Variants in ANGPT4 observed in about 807,000 individuals in gnomAD.
ANGPT4 encodes angiopoietin 4, also known as angiopoietin-4.
A neutral mutation model predicts 53.0 loss-of-function variants in ANGPT4; 50 were observed. The ratio of observed to expected loss-of-function variants is 0.94; its 90% CI spans 0.75 to 1.20. The LOEUF (loss-of-function observed/expected upper bound fraction) is 1.20, where lower values mean the gene tolerates loss of function less well. ANGPT4 is among the 50% of genes most tolerant of loss of function. ANGPT4 has a pLI of 0.00. For synonymous variants in ANGPT4, 251 were observed against 259.7 expected, an observed-to-expected ratio of 0.97 and a Z score of 0.32; for missense variants, 648 against 637.1, an observed-to-expected ratio of 1.02 and a Z score of -0.18.
intron 1 of ANGPT4, among the ~76,000 whole-genome samples, chr20:899,896 A>G (rs550980189): frequency 3.8e-4 from 58 of 152,348 alleles, no homozygotes; most frequent in South Asian, 1.4e-3. Context: ...ACAAGGCTTC[A>G]GGGACAGCCC....
At chr20:897,181 C>T (rs557390492) in intron 1 of ANGPT4, among the ~76,000 whole-genome samples, 38 of 152,158 alleles carry the variant, frequency 2.5e-4, no homozygotes, top group Non-Finnish European at 4.3e-4. Flanking sequence ...GATTAAAAAG[C>T]TTTATTGCTC....
intron 5 of ANGPT4, 128 bp from the exon 6 acceptor site, chr20:879,976 C>A (rs1421244159): frequency 3.9e-6 from 2 of 518,704 alleles, no homozygotes; most frequent in African/African-American, 2.0e-5. Flanking sequence ...GGGTCCTGGG[C>A]ATCAGAAAGA....
At chr20:893,678 C>T (rs993766985) in intron 1 of ANGPT4, among the ~76,000 whole-genome samples, 18 of 152,196 alleles carry the variant, frequency 1.2e-4, no homozygotes, top group African/African-American at 4.3e-4. Context: ...CAGTGTGAAA[C>T]TCTTCATTCC....
intron 7 of ANGPT4, among the ~76,000 whole-genome samples, chr20:875,155 C>T (rs1459821925): frequency 6.6e-6 from 1 of 152,138 alleles, no homozygotes; most frequent in East Asian, 1.9e-4. Flanking sequence ...ACAGAAATCC[C>T]AAGAGCCAAA....
chr20:879,122 T>C (rs1981288740), intron 6 of ANGPT4, among the ~76,000 whole-genome samples: 1 of 152,238 alleles, frequency 6.6e-6, no homozygotes, highest in Admixed American at 6.5e-5. Flanking sequence ...TAATTTGGTA[T>C]TTATTTTTAA....
intron 2 of ANGPT4, among the ~76,000 whole-genome samples, chr20:889,559 T>C (rs1282644855): frequency 1.3e-5 from 2 of 152,316 alleles, no homozygotes; most frequent in African/African-American, 4.8e-5. Flanking sequence ...CTGTTGTCTA[T>C]GTGGCAAGTT....
chr20:906,430 T>C (rs1982482537), intron 1 of ANGPT4, among the ~76,000 whole-genome samples: 1 of 152,228 alleles, frequency 6.6e-6, no homozygotes, highest in African/African-American at 2.4e-5. Context: ...ACTACCTTGT[T>C]AAGTTGCTTC....
intron 6 of ANGPT4, among the ~76,000 whole-genome samples, chr20:879,263 A>C (rs1011743276): frequency 2.6e-5 from 4 of 152,176 alleles, no homozygotes; most frequent in Non-Finnish European, 4.4e-5. Context: ...GCTTGGCAAA[A>C]AATCCTTTAT....
intron 1 of ANGPT4, among the ~76,000 whole-genome samples, chr20:904,584 C>G (rs1002281611): frequency 1.1e-4 from 16 of 152,254 alleles, no homozygotes; most frequent in Non-Finnish European, 2.9e-5. Flanking sequence ...AATAAATCCT[C>G]TGAAGTAGAA....
At chr20:884,185 C>A (rs1981517715) in intron 4 of ANGPT4, among the ~76,000 whole-genome samples, 1 of 152,264 alleles carries the variant, frequency 6.6e-6, no homozygotes, top group Non-Finnish European at 1.5e-5. Context: ...TCCCATGCCC[C>A]CTGCTAGCCT....
chr20:884,296 A>G (rs1981522663), intron 4 of ANGPT4, among the ~76,000 whole-genome samples: 1 of 152,182 alleles, frequency 6.6e-6, no homozygotes, highest in Non-Finnish European at 1.5e-5. Flanking sequence ...GGCACATATT[A>G]TGCACTCAAA....
intron 3 of ANGPT4, among the ~76,000 whole-genome samples, chr20:887,588 T>A (rs1456708493): frequency 6.6e-6 from 1 of 151,420 alleles, no homozygotes. Context: ...TGAGGTGAAA[T>A]CAGCCTTAGC....
At position 872,669 on chromosome 20, in the gene ANGPT4, C is replaced by A; in HGVS notation, c.*291G>T. ...GGAATCAAGTTTGGTCTGTTCTCAG[C>A]CCATTCAAGGTACTGTGACCCTCAG... is the stretch of plus-strand genomic sequence containing the variant. On this transcript the variant is annotated 3_prime_UTR_variant, in exon 9 of 9. Transcript: ENST00000381922. The A allele has an allele frequency of 2.5e-6, 1 of 396,394 alleles. No homozygotes were observed. The highest frequency in any genetic ancestry group is 4.7e-6 in the Non-Finnish European group (1 of 214,310). 24.6% of individuals were successfully genotyped at this position (396,394 alleles called of 1,614,324 possible).
Position 914,312 on chromosome 20 carries a change from G to T in ANGPT4, c.309+1594C>A, listed in dbSNP as rs1287922301. Among the ~76,000 whole-genome samples the T allele has an allele frequency of 1.3e-5, 2 of 152,138 alleles. No individual in the cohort carries two copies. The highest frequency in any genetic ancestry group is 4.8e-5 in the African/African-American group (2 of 41,420). On this transcript the variant is annotated intron_variant, in intron 1 of 8. Transcript: ENST00000381922. This position sits in a 1 kb window ranked among gnomAD's most constrained non-coding sequence, Gnocchi z 5.0. ...AGAGGGACAAAGGGTGGAAGAGGAA[G>T]GTGGTTATTTCGTACGGGGAGGACA...
At chr20:907,540 A>G (rs1270583555) in intron 1 of ANGPT4, among the ~76,000 whole-genome samples, 1 of 152,206 alleles carries the variant, frequency 6.6e-6, no homozygotes, top group Non-Finnish European at 1.5e-5. Context: ...TTTGCTTGGC[A>G]ACATGCTTAT....
rs1982559423 is a variant in ANGPT4 at position 908,265 on chromosome 20, G to A, written c.309+7641C>T. ...ACCAGGGACATCTGTCTGGCTCCTG[G>A]TGAGCACTCCAGTCTCATCTTGGCC... On this transcript the variant is annotated intron_variant, in intron 1 of 8. Coordinates refer to ENST00000381922, the MANE Select transcript of ANGPT4 (RefSeq NM_015985.4). The surrounding 1 kb of genome is among the most constrained non-coding windows in gnomAD (Gnocchi z 4.9). Among the ~76,000 whole-genome samples the A allele has an allele frequency of 2.0e-5, 3 of 152,140 alleles. No homozygotes were observed. The highest frequency in any genetic ancestry group is 7.2e-5 in the African/African-American group (3 of 41,418).
intron 1 of ANGPT4, among the ~76,000 whole-genome samples, chr20:909,823 G>T (rs999835484): frequency 6.6e-6 from 1 of 152,252 alleles, no homozygotes; most frequent in African/African-American, 2.4e-5. Flanking sequence ...CCTGGGCCAA[G>T]AATGGGGTGT....
intron 1 of ANGPT4, among the ~76,000 whole-genome samples, chr20:899,543 G>A (rs369426000): frequency 1.5e-3 from 230 of 151,998 alleles, no homozygotes; most frequent in African/African-American, 5.0e-3. Context: ...ATGAACCACC[G>A]CCCCCGGCCT....
At chr20:878,393 C>A in intron 6 of ANGPT4, 66 bp from the exon 7 acceptor site, 1 of 1,503,584 alleles carries the variant, frequency 6.7e-7, no homozygotes, top group Non-Finnish European at 9.0e-7. Flanking sequence ...GGCTGAGGAG[C>A]TGGGCTGGGC....
Sources: gnomAD v4.1 joint callset for allele counts (sites outside exome capture counted in the v4.1 genomes callset) on GRCh38, gnomAD v4.1.1 for gene constraint, Gnocchi (gnomAD v3.1) non-coding constraint, MANE v1.5 for transcripts, NCBI Gene and HGNC (gene_info 2026-07-23, HGNC 2026-07-21) for gene names.